TNNI3K: variants seen among roughly 807,000 people sequenced by gnomAD.
TNNI3K encodes the protein TNNI3 interacting kinase.
TNNI3K carries 140 observed loss-of-function variants against 114.5 expected under a neutral mutation model. The ratio of observed to expected loss-of-function variants is 1.22; its 90% CI spans 1.07 to 1.41. The LOEUF (loss-of-function observed/expected upper bound fraction) is 1.41, where lower values mean the gene tolerates loss of function less well. TNNI3K is among the 40% of genes most tolerant of loss of function. The probability of loss-of-function intolerance (pLI) is 0.00; values close to 1 mark genes in which losing one functional copy is unlikely to be tolerated. For missense variants in TNNI3K, 1,125 were observed against 1,007.6 expected (o/e 1.12, Z -1.58); for synonymous variants, 347 against 347.5 (o/e 1.00, Z 0.02).
Position 74,436,070 on chromosome 1 carries a change from T to A in TNNI3K, c.1773-10T>A. ...TCAATGTCTACTTTTTTTTTTTTTT[T>A]TTTTTACAGTCACAATATTCTTCTC... On this transcript the variant is annotated splice_polypyrimidine_tract_variant and intron_variant, in intron 17 of 24. Transcript: ENST00000326637. The A allele has an allele frequency of 1.3e-6, 2 of 1,587,818 alleles. No homozygotes were observed. Among genetic ancestry groups the A allele is most frequent in the East Asian group, 4.5e-5 (2 of 44,716 alleles).
At chr1:74,333,783 A>G (rs1179087577) in intron 6 of TNNI3K, among the ~76,000 whole-genome samples, 3 of 152,224 alleles carry the variant, frequency 2.0e-5, no homozygotes, top group Admixed American at 6.5e-5. Context: ...ACCAAGAGCA[A>G]TATTTCCTAG....
intron 11 of TNNI3K, among the ~76,000 whole-genome samples, chr1:74,359,214 A>G (rs971146154): frequency 2.6e-5 from 4 of 152,006 alleles, no homozygotes; most frequent in Non-Finnish European, 2.9e-5. Flanking sequence ...CAAATTCAAA[A>G]TGAGGATATT....
intron 5 of TNNI3K, among the ~76,000 whole-genome samples, chr1:74,305,996 A>T (rs1658612662): frequency 6.6e-6 from 1 of 152,164 alleles, no homozygotes; most frequent in Admixed American, 6.5e-5. Flanking sequence ...GTAGTTGTTC[A>T]GCCATTGTTC....
intron 5 of TNNI3K, among the ~76,000 whole-genome samples, chr1:74,310,720 A>T (rs1218219546): frequency 3.3e-5 from 5 of 152,186 alleles, no homozygotes; most frequent in Non-Finnish European, 7.4e-5. Context: ...TCAGGTGGGT[A>T]TTCCTCTTTG....
intron 5 of TNNI3K, among the ~76,000 whole-genome samples, chr1:74,315,284 T>A (rs1357255334): frequency 1.3e-5 from 2 of 152,276 alleles, no homozygotes; most frequent in Admixed American, 1.3e-4. Flanking sequence ...TTAAATACTA[T>A]TTCCAAGACT....
intron 11 of TNNI3K, 86 bp downstream of exon 11, chr1:74,354,215 G>A: frequency 6.4e-7 from 1 of 1,567,044 alleles, no homozygotes; most frequent in South Asian, 1.2e-5. Flanking sequence ...TACTTTGCTT[G>A]CATGACTTGA....
At chr1:74,480,546 A>T in intron 21 of TNNI3K, 1 of 717,404 alleles carries the variant, frequency 1.4e-6, no homozygotes, top group Admixed American at 2.0e-5. Context: ...TTCCCAATGT[A>T]GGAAATAAAA....
chr1:74,518,873 C>CTTTTTTTTTTTTTTTTTTTTTTTTTTTT lies in TNNI3K; in HGVS notation c.2352-21361_2352-21360insTTTTTTTTTTTTTTTTTTTTTTTTTTTT, dbSNP rs1646388103. The stretch of plus-strand genomic sequence containing the variant: ...TTTTATTTTATTTTATTTTTTTTCC[C>CTTTTTTTTTTTTTTTTTTTTTTTTTTTT]CTTTTTTTTTTTTTTTTTTTTATTA... On this transcript the variant is annotated intron_variant, in intron 23 of 24. Coordinates refer to ENST00000326637, the MANE Select transcript of TNNI3K (RefSeq NM_015978.3). 5.0e-5 allele frequency among the ~76,000 whole-genome samples: 5 copies of CTTTTTTTTTTTTTTTTTTTTTTTTTTTT among 100,358 alleles called. 1 individual carries two copies. Among genetic ancestry groups the CTTTTTTTTTTTTTTTTTTTTTTTTTTTT allele is most frequent in the Non-Finnish European group, 7.1e-5 (4 of 56,350 alleles). The allele number at this position is 100,358 out of a possible 152,430, so 65.8% of individuals were successfully genotyped here.
intron 17 of TNNI3K, among the ~76,000 whole-genome samples, chr1:74,414,067 T>G (rs1206722597): frequency 1.3e-5 from 2 of 152,188 alleles, no homozygotes; most frequent in African/African-American, 4.8e-5. Flanking sequence ...GATCATCAAA[T>G]ACATACAGAG....
intron 7 of TNNI3K, among the ~76,000 whole-genome samples, chr1:74,338,060 A>G (rs927547132): frequency 7.2e-5 from 11 of 152,054 alleles, no homozygotes; most frequent in Non-Finnish European, 1.3e-4. Context: ...ATATATATAT[A>G]AACACACATA....
At chr1:74,281,555 T>C (rs1657018937) in intron 5 of TNNI3K, among the ~76,000 whole-genome samples, 1 of 152,168 alleles carries the variant, frequency 6.6e-6, no homozygotes, top group Non-Finnish European at 1.5e-5. Flanking sequence ...CCCCATTATA[T>C]TGAGTCTTCT....
intron 20 of TNNI3K, among the ~76,000 whole-genome samples, chr1:74,440,325 A>G (rs45556335): frequency 0.016 from 2,491 of 152,172 alleles, 64 homozygotes; most frequent in African/African-American, 0.056. Context: ...CTCCTTAAGG[A>G]CTTTGCATCC....
At chr1:74,341,350 G>C (rs563075984) in intron 7 of TNNI3K, among the ~76,000 whole-genome samples, 7 of 152,232 alleles carry the variant, frequency 4.6e-5, no homozygotes, top group African/African-American at 1.7e-4. Context: ...TAAATGTCTA[G>C]TATGGGACAA....
chr1:74,282,063 GTGAGGTTGGCCTA>G (rs1657048129), intron 5 of TNNI3K, among the ~76,000 whole-genome samples: 1 of 152,070 alleles, frequency 6.6e-6, no homozygotes, highest in Admixed American at 6.6e-5. Flanking sequence ...ATATTCATAA[GTGAGGTTGGCCTA>G]TGGTTTTCTT....
At chr1:74,522,386 C>T (rs540264695) in intron 23 of TNNI3K, among the ~76,000 whole-genome samples, 90 of 152,170 alleles carry the variant, frequency 5.9e-4, no homozygotes, top group African/African-American at 1.8e-3. Flanking sequence ...TCAGATTACC[C>T]GTTCCCTAGA....
chr1:74,447,171 G>A (rs906172938), intron 20 of TNNI3K, among the ~76,000 whole-genome samples: 2 of 151,188 alleles, frequency 1.3e-5, no homozygotes, highest in Admixed American at 6.6e-5. Context: ...TCCTACCCAT[G>A]AGCATGGAAT....
chr1:74,475,704 AT>A (rs1359627725), intron 21 of TNNI3K: 1 of 703,812 alleles, frequency 1.4e-6, no homozygotes, highest in Non-Finnish European at 2.6e-6. Flanking sequence ...ACAGGGGTTC[AT>A]CGAAGGTTCT....
chr1:74,483,756 A>G (rs1210518087), intron 21 of TNNI3K, among the ~76,000 whole-genome samples: 17 of 152,214 alleles, frequency 1.1e-4, no homozygotes, highest in Admixed American at 1.0e-3. Context: ...ACCATCCTAA[A>G]TCACATAGCG....
intron 23 of TNNI3K, among the ~76,000 whole-genome samples, chr1:74,517,528 A>C (rs1210838403): frequency 1.3e-5 from 2 of 152,212 alleles, no homozygotes; most frequent in Non-Finnish European, 2.9e-5. Context: ...GAGCAGGAGT[A>C]GCCTTTAATA....
Sources: gnomAD v4.1 joint callset for allele counts (sites outside exome capture counted in the v4.1 genomes callset) on GRCh38, gnomAD v4.1.1 for gene constraint, MANE v1.5 for transcripts, NCBI Gene and HGNC (gene_info 2026-07-23, HGNC 2026-07-21) for gene names.